The following PLAC1 variants were observed in gnomAD, a reference collection of about 807,000 sequenced individuals.
The protein encoded by PLAC1 is placenta associated 1, also known as placenta-specific protein 1.
For synonymous variants in PLAC1, 68 were observed against 62.1 expected, an observed-to-expected ratio of 1.09 and a Z score of -0.44; for missense variants, 136 against 163.2, an observed-to-expected ratio of 0.83 and a Z score of 0.91.
chrX:134,682,338 T>C (rs979974518), intron 2 of PLAC1, among the ~76,000 whole-genome samples: 1 of 111,988 alleles, frequency 8.9e-6, no homozygotes, highest in African/African-American at 3.2e-5. Flanking sequence ...CTTTGAAGAA[T>C]AGGAACTTTG....
At chrX:134,672,846 C>T (rs2078460348) in intron 2 of PLAC1, among the ~76,000 whole-genome samples, 1 of 112,659 alleles carries the variant, frequency 8.9e-6, no homozygotes, top group African/African-American at 3.2e-5. Flanking sequence ...GTTTTTCCTC[C>T]TTATTGAATG....
chrX:134,598,458 G>A (rs1001370270), intron 2 of PLAC1, among the ~76,000 whole-genome samples: 2 of 112,008 alleles, frequency 1.8e-5, no homozygotes, highest in Non-Finnish European at 3.8e-5. Context: ...GGGAAAACAA[G>A]AAAAGTGAAT....
intron 2 of PLAC1, among the ~76,000 whole-genome samples, chrX:134,722,796 T>G (rs1334302303): frequency 9.0e-6 from 1 of 111,663 alleles, no homozygotes; most frequent in Non-Finnish European, 1.9e-5. Context: ...AACTTTTAAA[T>G]TTTCTTCTTC....
rs1602881019 is a variant in PLAC1, at chrX:134,654,478, A to G, written c.-131+3850T>C. Among the ~76,000 whole-genome samples, 6 of 112,245 alleles carry G rather than the reference A, an allele frequency of 5.3e-5. No homozygotes were observed. The South Asian group carries it at 1.5e-3, about 28-fold the overall frequency. On this transcript the variant is annotated intron_variant, in intron 1 of 2. Transcript: ENST00000359237. ...ATCCTAAAAGCAATTCATCCTAAAA[A>G]CTGTACTGAAAGAATGAGACATAAC...
intron 1 of PLAC1, among the ~76,000 whole-genome samples, chrX:134,609,024 G>A (rs2078139134): frequency 9.1e-6 from 1 of 110,442 alleles, no homozygotes; most frequent in Non-Finnish European, 1.9e-5. Flanking sequence ...CCAGGCTGGA[G>A]TGCAGTGGTG....
rs35457928 is a variant in PLAC1, at chrX:134,581,476, CT to C, written c.-58-14737del. 2.2e-3 allele frequency among the ~76,000 whole-genome samples: 130 copies of C among 58,928 alleles called. 1 individual carries two copies. Among genetic ancestry groups the C allele is most frequent in the African/African-American group, 7.6e-3 (118 of 15,620 alleles). The allele number at this position is 58,928 out of a possible 115,157, so 51.2% of individuals were successfully genotyped here. A position where few individuals can be genotyped will look rare whatever the true frequency, so the allele number is the denominator to read the frequency against. On this transcript the variant is annotated intron_variant, in intron 2 of 2. Coordinates refer to ENST00000359237, the MANE Select transcript of PLAC1 (RefSeq NM_021796.4). ...ATACCATCTGGTGGTTTCTCAGACT[CT>C]TTTTTTTTTTTTTTTTTTTGAGTTG...
At chrX:134,660,989 C>CTT (rs57824612), upstream of PLAC1, among the ~76,000 whole-genome samples, 1 of 107,090 alleles carries the variant, frequency 9.3e-6, no homozygotes, top group Non-Finnish European at 1.9e-5. Context: ...TTTTAGACGT[C>CTT]TTTTTTTTTT....
chrX:134,594,134 A>AT (rs1009621062), intron 2 of PLAC1, among the ~76,000 whole-genome samples: 3 of 111,079 alleles, frequency 2.7e-5, no homozygotes, highest in Non-Finnish European at 3.8e-5. Context: ...GAATTTTGTC[A>AT]TTTTTTTGGC....
At chrX:134,613,525 T>C (rs1467557189) in intron 1 of PLAC1, among the ~76,000 whole-genome samples, 2 of 111,147 alleles carry the variant, frequency 1.8e-5, no homozygotes, top group Admixed American at 9.6e-5. Flanking sequence ...TGAAGAACCA[T>C]TGTGCAACAT....
intron 1 of PLAC1, among the ~76,000 whole-genome samples, chrX:134,759,231 A>G (rs780262036): frequency 9.1e-6 from 1 of 109,838 alleles, no homozygotes; most frequent in South Asian, 4.0e-4. Flanking sequence ...GCTCGCTGCA[A>G]CCTCCACCTC....
At chrX:134,623,787 C>T (rs1173570560) in intron 1 of PLAC1, among the ~76,000 whole-genome samples, 1 of 111,783 alleles carries the variant, frequency 8.9e-6, no homozygotes, top group Non-Finnish European at 1.9e-5. Context: ...CATTCTGTGC[C>T]CCTTCTACAT....
intron 2 of PLAC1, among the ~76,000 whole-genome samples, chrX:134,684,741 T>C (rs745589885): frequency 8.9e-5 from 10 of 111,964 alleles, no homozygotes; most frequent in Non-Finnish European, 1.7e-4. Flanking sequence ...GAAATGGTAG[T>C]CTCCATGATT....
At chrX:134,631,355 C>T (rs1177626531) in intron 1 of PLAC1, among the ~76,000 whole-genome samples, 1 of 111,839 alleles carries the variant, frequency 8.9e-6, no homozygotes, top group Non-Finnish European at 1.9e-5. Context: ...CCAGCAGAAA[C>T]AGTGGTGTCC....
chrX:134,598,300 G>A (rs4372151), intron 2 of PLAC1, among the ~76,000 whole-genome samples: 20,838 of 111,410 alleles, frequency 0.19, 1,557 homozygotes, highest in Non-Finnish European at 0.21. Context: ...AGCTGAGCTC[G>A]TCAGCTGCTG....
chrX:134,625,345 G>A (rs1445589251), intron 1 of PLAC1, among the ~76,000 whole-genome samples: 2 of 112,028 alleles, frequency 1.8e-5, no homozygotes, highest in African/African-American at 6.5e-5. Context: ...GAAAAAACCT[G>A]CCTTTGTAGT....
intron 1 of PLAC1, among the ~76,000 whole-genome samples, chrX:134,621,469 AAAAAG>A (rs2078210594): frequency 9.4e-6 from 1 of 106,474 alleles, no homozygotes; most frequent in African/African-American, 3.6e-5. Flanking sequence ...AAAAAAAAAA[AAAAAG>A]AAAAGAAAAT....
chrX:134,591,582 T>C (rs2078039441), intron 2 of PLAC1, among the ~76,000 whole-genome samples: 1 of 112,855 alleles, frequency 8.9e-6, no homozygotes, highest in South Asian at 3.6e-4. Flanking sequence ...TTTTTTGCTG[T>C]TAACAAATAA....
chrX:134,737,786 G>A lies in PLAC1; in HGVS notation n.90-4267C>T, dbSNP rs192167459. 2.0e-3 allele frequency among the ~76,000 whole-genome samples: 226 copies of A among 112,766 alleles called. 1 individual carries two copies. The highest frequency in any genetic ancestry group is 3.5e-3 in the Non-Finnish European group (186 of 53,355). On this transcript the variant is annotated intron_variant and non_coding_transcript_variant, in intron 1 of 2. Coordinates refer to the PLAC1 transcript ENST00000466797. ...TTATGGGAAGTCAGGTGGGGGCGCCGAAAGGAAAGTCCACTCTATTCCTTT... is the reference window on the plus strand; with the variant it reads ...TTATGGGAAGTCAGGTGGGGGCGCCAAAAGGAAAGTCCACTCTATTCCTTT...
At chrX:134,726,860 T>C (rs1480584892) in intron 2 of PLAC1, among the ~76,000 whole-genome samples, 3 of 105,220 alleles carry the variant, frequency 2.9e-5, no homozygotes. Context: ...GGTGAAAATA[T>C]GGAGTCAGGA....
Sources: allele counts gnomAD v4.1 joint callset (sites outside exome capture counted in the v4.1 genomes callset), GRCh38; gene constraint gnomAD v4.1.1; transcripts MANE v1.5; gene names NCBI Gene and HGNC (gene_info 2026-07-23, HGNC 2026-07-21).